Variants in MYBL1 observed in about 807,000 individuals in gnomAD.
MYBL1 encodes MYB proto-oncogene like 1, also known as myb-related protein A.
Under a neutral mutation model 96.3 loss-of-function variants are expected in MYBL1, and 17 were observed. The observed-to-expected ratio is 0.18, with a 90% CI of 0.12 to 0.26. MYBL1 has a LOEUF of 0.26. MYBL1 is among the 10% of genes least tolerant of loss of function. MYBL1 has a pLI of 1.00. For missense variants in MYBL1, 701 were observed against 882.9 expected, an observed-to-expected ratio of 0.79 and a Z score of 2.61; for synonymous variants, 282 against 292.7, an observed-to-expected ratio of 0.96 and a Z score of 0.37.
chr8:66,605,639 G>A (rs902574691), intron 1 of MYBL1, among the ~76,000 whole-genome samples: 1 of 152,008 alleles, frequency 6.6e-6, no homozygotes, highest in African/African-American at 2.4e-5. Flanking sequence ...TGGCCAACAT[G>A]GTGAAACCCC....
At chr8:66,612,057 C>T (rs1810551534) in intron 1 of MYBL1, 1 of 152,164 alleles carries the variant, frequency 6.6e-6, no homozygotes, top group African/African-American at 2.4e-5. Flanking sequence ...TTCATCCTAG[C>T]ACATTTTCCA....
At chr8:66,608,902 C>T (rs1032403509) in intron 1 of MYBL1, among the ~76,000 whole-genome samples, 3 of 152,044 alleles carry the variant, frequency 2.0e-5, no homozygotes, top group African/African-American at 7.2e-5. Flanking sequence ...CTCTCCAGCC[C>T]AGGACTCGGT....
intron 1 of MYBL1, among the ~76,000 whole-genome samples, 176 bp from the exon 2 acceptor site, chr8:66,602,699 C>CTATATATATATATATATATA (rs67236935): frequency 7.3e-5 from 2 of 27,272 alleles, no homozygotes; most frequent in African/African-American, 3.0e-4. Context: ...TGGGGTGGAG[C>CTATATATATATATATATATA]TATATATATA....
At position 66,580,334 on chromosome 8, in the gene MYBL1, A is replaced by G. The variant is rs1372592144; in HGVS notation, c.900T>C (p.Ser300=). 2.5e-6 allele frequency: 4 copies of G among 1,610,430 alleles called. No individual in the cohort carries two copies. In the South Asian group the frequency reaches 4.4e-5, roughly 18 times the overall value. The stretch of plus-strand genomic sequence containing the variant: ...TAGACATGTTATCATCCATGAGGAA[A>G]CTACCAGACCAGCTAGAAAAACTTC... ...QPGSFSSWSG[S]FLMDDNMSNT... The change falls in exon 9 of 16, where the codon AGT becomes AGC. Residue 300 remains serine, a synonymous_variant. Transcript: ENST00000522677.
intron 8 of MYBL1, among the ~76,000 whole-genome samples, chr8:66,583,550 A>G (rs1457932396): frequency 6.6e-6 from 1 of 152,056 alleles, no homozygotes; most frequent in Non-Finnish European, 1.5e-5. Flanking sequence ...TTAAAGAAAT[A>G]AACGAAATTG....
At position 66,566,170 on chromosome 8, in the gene MYBL1, A is replaced by G. The variant is rs915421480; in HGVS notation, c.2024T>C (p.Ile675Thr). ...LEIHDNRCNL[I>T]PEKQDINSTN... ...TGAATTTATATCTTGTTTTTCAGGA[A>G]TCAAGTTGCACCTATTGTCATGTAT... The change falls in exon 15 of 16, where the codon ATT becomes ACT. Residue 675 changes from isoleucine (I) to threonine (T), a missense_variant. By Grantham distance (89) the Ile-to-Thr change is moderately conservative (BLOSUM62 -1). Coordinates refer to ENST00000522677, the MANE Select transcript of MYBL1 (RefSeq NM_001080416.4). 6.5e-7 allele frequency: 1 copy of G among 1,533,042 alleles called. No individual in the cohort carries two copies. Among genetic ancestry groups the G allele is most frequent in the Non-Finnish European group, 8.9e-7 (1 of 1,128,910 alleles). 95.0% of individuals were successfully genotyped at this position (1,533,042 alleles called of 1,614,324 possible).
chr8:66,610,140 A>C (rs1437788726), intron 1 of MYBL1, among the ~76,000 whole-genome samples: 1 of 152,052 alleles, frequency 6.6e-6, no homozygotes, highest in East Asian at 1.9e-4. Flanking sequence ...CTGACTTTCG[A>C]ATCTAAAATT....
At chr8:66,581,019 C>T (rs567650733) in intron 8 of MYBL1, among the ~76,000 whole-genome samples, 28 of 152,114 alleles carry the variant, frequency 1.8e-4, no homozygotes, top group African/African-American at 6.7e-4. Context: ...CATCACCACA[C>T]CCGGTTAATT....
chr8:66,604,139 T>C (rs1393785409), intron 1 of MYBL1, among the ~76,000 whole-genome samples: 3 of 152,114 alleles, frequency 2.0e-5, no homozygotes, highest in African/African-American at 7.2e-5. Flanking sequence ...AAGACCCACA[T>C]GGAATTTGGT....
Position 66,564,338 on chromosome 8 carries a change from A to T in MYBL1, c.*359T>A, listed in dbSNP as rs1177170747. On this transcript the variant is annotated 3_prime_UTR_variant, in exon 16 of 16. Transcript: ENST00000522677. ...CATAGACTAATTTCAGAAATCATATATACTCATACACCTATCTATAACAAA... is the reference window on the plus strand; with the variant it reads ...CATAGACTAATTTCAGAAATCATATTTACTCATACACCTATCTATAACAAA... 6.5e-6 allele frequency: 1 copy of T among 154,986 alleles called. No homozygotes were observed. Among genetic ancestry groups the T allele is most frequent in the Non-Finnish European group, 1.4e-5 (1 of 69,700 alleles). The allele number at this position is 154,986 out of a possible 1,614,324, so 9.6% of individuals were successfully genotyped here. A position where few individuals can be genotyped will look rare whatever the true frequency, so the allele number is the denominator to read the frequency against.
At chr8:66,569,066 C>G (rs1808626872) in intron 12 of MYBL1, among the ~76,000 whole-genome samples, 2 of 152,128 alleles carry the variant, frequency 1.3e-5, no homozygotes, top group African/African-American at 4.8e-5. Context: ...AGTATTAAGC[C>G]TAGTACCCAT....
Position 66,612,848 on chromosome 8 carries a change from A to G in MYBL1, c.-10T>C, listed in dbSNP as rs1449539312. The G allele has an allele frequency of 2.9e-6, 4 of 1,372,044 alleles. No homozygotes were observed. In the African/African-American group the frequency reaches 6.0e-5, roughly 21 times the overall value. The allele number at this position is 1,372,044 out of a possible 1,614,324, so 85.0% of individuals were successfully genotyped here. On this transcript the variant is annotated 5_prime_UTR_variant, in exon 1 of 16. Coordinates refer to ENST00000522677, the MANE Select transcript of MYBL1 (RefSeq NM_001080416.4). Reference sequence around the variant, plus strand: ...GCGACCTCTTCGCCATCCTTCAAGTACCGCATAGGAGCAGGCTGGGCGGGG... The same window carrying G: ...GCGACCTCTTCGCCATCCTTCAAGTGCCGCATAGGAGCAGGCTGGGCGGGG...
chr8:66,573,416 T>C lies in MYBL1; in HGVS notation c.1561A>G (p.Thr521Ala), dbSNP rs1477655665. 6.2e-7 allele frequency: 1 copy of C among 1,612,958 alleles called. No individual in the cohort carries two copies. Among genetic ancestry groups the C allele is most frequent in the South Asian group, 1.1e-5 (1 of 90,802 alleles). Residue 521 changes from threonine to alanine, a missense_variant, in exon 11 of 16, where the codon ACA becomes GCA. Coordinates refer to ENST00000522677, the MANE Select transcript of MYBL1 (RefSeq NM_001080416.4). The part of the protein sequence containing the change: ...TPICGQKALI[T>A]TPLHKETTPK... ...GTTGTTTCCTTATGAAGAGGAGTTG[T>C]AATGAGAGCTTTCTGCCCACAAATA...
At chr8:66,596,804 A>G (rs1809868887) in intron 5 of MYBL1, among the ~76,000 whole-genome samples, 1 of 152,178 alleles carries the variant, frequency 6.6e-6, no homozygotes, top group Non-Finnish European at 1.5e-5. Flanking sequence ...TACTTAGCAC[A>G]TCACTGCCTC....
intron 7 of MYBL1, 135 bp from the exon 8 acceptor site, chr8:66,592,679 C>T: frequency 1.8e-6 from 1 of 549,614 alleles, no homozygotes; most frequent in Non-Finnish European, 3.1e-6. Flanking sequence ...TAAATACTAA[C>T]TACTCATTAT....
intron 6 of MYBL1, among the ~76,000 whole-genome samples, chr8:66,593,960 A>G (rs767023509): frequency 1.4e-4 from 22 of 152,010 alleles, no homozygotes; most frequent in Admixed American, 1.2e-3. Flanking sequence ...ACATGGCAAG[A>G]CCCTGTTTTT....
chr8:66,576,926 C>T (rs2454668), intron 9 of MYBL1, among the ~76,000 whole-genome samples: 3,713 of 152,188 alleles, frequency 0.024, 53 homozygotes, highest in Middle Eastern at 0.058. Context: ...GTTCAATATA[C>T]GCAAATCAAT....
chr8:66,580,151 A>G lies in MYBL1; in HGVS notation c.1083T>C (p.Thr361=). The G allele has an allele frequency of 6.2e-7, 1 of 1,612,598 alleles. No individual in the cohort carries two copies. Among genetic ancestry groups the G allele is most frequent in the East Asian group, 2.2e-5 (1 of 44,878 alleles). ...SLQTIPEFAE[T]LELIESDPVA... is the part of the protein sequence containing the mutation. ...TACTTACAGATTCAATAAGTTCTAG[A>G]GTCTCTGCAAATTCTGGGATGGTCT... The change falls in exon 9 of 16, where the codon ACT becomes ACC. Residue 361 remains threonine (T), a synonymous_variant. Coordinates refer to ENST00000522677, the MANE Select transcript of MYBL1 (RefSeq NM_001080416.4).
intron 1 of MYBL1, among the ~76,000 whole-genome samples, chr8:66,604,294 G>C (rs577004788): frequency 3.3e-5 from 5 of 152,036 alleles, no homozygotes; most frequent in African/African-American, 1.2e-4. Flanking sequence ...AGGCTGAGTC[G>C]AGCAGATCAT....
Sources: allele counts gnomAD v4.1 joint callset (sites outside exome capture counted in the v4.1 genomes callset), GRCh38; gene constraint gnomAD v4.1.1; transcripts MANE v1.5; gene names NCBI Gene and HGNC (gene_info 2026-07-23, HGNC 2026-07-21).